The following NBAS variants were observed in gnomAD, a reference collection of about 807,000 sequenced individuals.
NBAS encodes NAG/BC035112 fusion.
In NBAS, 219 loss-of-function variants were observed where a neutral mutation model predicts 302.5. The observed-to-expected ratio is 0.72, with a 90% CI of 0.65 to 0.81. The LOEUF (loss-of-function observed/expected upper bound fraction) is 0.81. Among genes scored for constraint, NBAS ranks in the 30% least tolerant of loss-of-function variants. The pLI, the probability that NBAS is intolerant of heterozygous loss-of-function variation, is 0.00. For missense variants in NBAS, 2,932 were observed against 2,841.6 expected (o/e 1.03, Z -0.72); for synonymous variants, 1,118 against 1,021.6 (o/e 1.09, Z -1.80).
the NBAS span, among the ~76,000 whole-genome samples, chr2:15,002,314 T>A: frequency 1.1e-4 from 17 of 151,822 alleles, no homozygotes; most frequent in Admixed American, 6.5e-5. Context: ...AGTAGCTAGA[T>A]ACACAGTGTC....
the NBAS span, among the ~76,000 whole-genome samples, chr2:15,161,210 G>A: frequency 5.3e-5 from 8 of 152,172 alleles, no homozygotes; most frequent in Admixed American, 1.3e-4. Flanking sequence ...ATAAGTGGGG[G>A]ATACTATCTG....
At chr2:15,398,885 T>C (rs1558304123) in intron 26 of NBAS, among the ~76,000 whole-genome samples, 1 of 152,210 alleles carries the variant, frequency 6.6e-6, no homozygotes, top group African/African-American at 2.4e-5. Flanking sequence ...CAAGTCATTT[T>C]TTGTGTTTAC....
chr2:15,399,679 T>C (rs1676051778), intron 26 of NBAS, among the ~76,000 whole-genome samples: 1 of 152,010 alleles, frequency 6.6e-6, no homozygotes, highest in Non-Finnish European at 1.5e-5. Flanking sequence ...GGAAAAAATA[T>C]AAGAACATAC....
At chr2:15,208,374 G>A (rs1289249062) in intron 48 of NBAS, among the ~76,000 whole-genome samples, 1 of 152,118 alleles carries the variant, frequency 6.6e-6, no homozygotes, top group African/African-American at 2.4e-5. Flanking sequence ...CACAACATGT[G>A]GTAATTATGG....
At chr2:15,009,693 C>CATATATATATATATATATATATATAT in the NBAS span, among the ~76,000 whole-genome samples, 1 of 126,570 alleles carries the variant, frequency 7.9e-6, no homozygotes, top group Non-Finnish European at 1.7e-5. Context: ...TGTAGGAATG[C>CATATATATATATATATATATATATAT]ATATATATAT....
intron 3 of NBAS, among the ~76,000 whole-genome samples, chr2:15,555,941 G>C (rs757177621): frequency 8.5e-5 from 13 of 152,124 alleles, no homozygotes; most frequent in Non-Finnish European, 8.8e-5. Flanking sequence ...GCCTAGAGAA[G>C]TCAGAAAACA....
intron 47 of NBAS, 108 bp downstream of exon 47, chr2:15,232,313 TA>T (rs1667413392): frequency 1.9e-6 from 2 of 1,033,108 alleles, no homozygotes; most frequent in Non-Finnish European, 1.5e-6. Flanking sequence ...CTTTCCCACC[TA>T]AAAATGTGGC....
chr2:15,430,650 C>G (rs1271822994), intron 21 of NBAS, among the ~76,000 whole-genome samples: 2 of 152,178 alleles, frequency 1.3e-5, no homozygotes, highest in Admixed American at 1.3e-4. Flanking sequence ...TTGAACACAA[C>G]CAGTCAGAAT....
At chr2:15,548,484 A>G (rs1398077436) in intron 6 of NBAS, among the ~76,000 whole-genome samples, 1 of 152,068 alleles carries the variant, frequency 6.6e-6, no homozygotes. Flanking sequence ...TCTATCAAAA[A>G]TACAAAAAAA....
intron 28 of NBAS, among the ~76,000 whole-genome samples, chr2:15,392,434 A>G (rs1014010129): frequency 6.6e-6 from 1 of 151,966 alleles, no homozygotes; most frequent in Admixed American, 6.5e-5. Flanking sequence ...GGTAGAGGAC[A>G]TAAGACCAAT....
At chr2:15,465,575 T>C (rs1479098705) in intron 19 of NBAS, among the ~76,000 whole-genome samples, 1 of 152,206 alleles carries the variant, frequency 6.6e-6, no homozygotes, top group African/African-American at 2.4e-5. Flanking sequence ...AAAGAAGCCA[T>C]GTCCTGTGAT....
chr2:15,452,547 C>A (rs995782909), intron 21 of NBAS, among the ~76,000 whole-genome samples: 6 of 149,170 alleles, frequency 4.0e-5, no homozygotes, highest in Non-Finnish European at 7.4e-5. Context: ...GAGATCGCGC[C>A]ACTGCACTCC....
intron 21 of NBAS, among the ~76,000 whole-genome samples, chr2:15,438,263 G>A (rs1027267694): frequency 1.3e-5 from 2 of 152,172 alleles, no homozygotes; most frequent in Non-Finnish European, 2.9e-5. Flanking sequence ...ACCATGAGGT[G>A]GCTGGTGGAG....
At chr2:15,208,273 A>G (rs1312452316) in intron 48 of NBAS, among the ~76,000 whole-genome samples, 2 of 152,226 alleles carry the variant, frequency 1.3e-5, no homozygotes, top group East Asian at 3.9e-4. Flanking sequence ...CCTTATAAAA[A>G]CACCAGATCT....
chr2:15,501,213 A>G (rs1410009994), intron 11 of NBAS, among the ~76,000 whole-genome samples: 1 of 151,924 alleles, frequency 6.6e-6, no homozygotes, highest in Non-Finnish European at 1.5e-5. Flanking sequence ...AGACAGGAGA[A>G]TGGTGTGAAC....
chr2:15,322,025 T>C (rs1391673809), intron 38 of NBAS, among the ~76,000 whole-genome samples: 1 of 152,016 alleles, frequency 6.6e-6, no homozygotes, highest in African/African-American at 2.4e-5. Flanking sequence ...ATTAAGAAAA[T>C]GTGGCATATA....
Position 15,328,185 on chromosome 2 carries a change from C to CA in NBAS, c.4461+13dup. 6.2e-7 allele frequency: 1 copy of CA among 1,602,766 alleles called. No homozygotes were observed. Among genetic ancestry groups the CA allele is most frequent in the Non-Finnish European group, 8.5e-7 (1 of 1,170,058 alleles). On this transcript the variant is annotated intron_variant, in intron 37 of 51. Coordinates refer to ENST00000281513, the MANE Select transcript of NBAS (RefSeq NM_015909.4). ...TGACAGTTAAATCTATCTTCCTAGA[C>CA]ACGCTGTCCTTACCTCAGCGACAAA...
intron 6 of NBAS, among the ~76,000 whole-genome samples, chr2:15,548,013 A>G (rs1211084519): frequency 6.6e-6 from 1 of 152,236 alleles, no homozygotes; most frequent in Non-Finnish European, 1.5e-5. Flanking sequence ...TATTAATGCC[A>G]TGACAGTTTT....
chr2:14,995,396 C>T, the NBAS span, among the ~76,000 whole-genome samples: 1 of 152,308 alleles, frequency 6.6e-6, no homozygotes, highest in East Asian at 1.9e-4. Context: ...GAAAAATCTG[C>T]ATTTTAAACA....
Sources: allele counts gnomAD v4.1 joint callset (sites outside exome capture counted in the v4.1 genomes callset), GRCh38; gene constraint gnomAD v4.1.1; transcripts MANE v1.5; gene names NCBI Gene and HGNC (gene_info 2026-07-23, HGNC 2026-07-21).